Variants in WDFY4 observed in about 807,000 individuals in gnomAD.
WDFY4 encodes WD repeat- and FYVE domain-containing protein 4.
Under a neutral mutation model 351.9 loss-of-function variants are expected in WDFY4, and 169 were observed. The observed-to-expected ratio is 0.48, with a 90% confidence interval of 0.42 to 0.55. The LOEUF is 0.55. Ranked by LOEUF, WDFY4 falls within the 20% of genes least tolerant of loss-of-function variation. The pLI, the probability that WDFY4 is intolerant of heterozygous loss-of-function variation, is 0.00. For missense variants in WDFY4, 3,803 were observed against 3,935.6 expected (o/e 0.97, Z 0.90); for synonymous variants, 1,622 against 1,574.6 (o/e 1.03, Z -0.71).
intron 32 of WDFY4, among the ~76,000 whole-genome samples, chr10:48,819,306 C>T (rs2067731136): frequency 6.6e-6 from 1 of 152,224 alleles, no homozygotes; most frequent in African/African-American, 2.4e-5. Context: ...ACATGCCAGA[C>T]CCTCTTCATG....
chr10:48,901,343 G>A (rs1054407171), intron 46 of WDFY4, among the ~76,000 whole-genome samples: 1 of 152,304 alleles, frequency 6.6e-6, no homozygotes, highest in African/African-American at 2.4e-5. Flanking sequence ...ATTAAACAAA[G>A]TTTTTCACAG....
chr10:48,734,599 A>T (rs534955578), intron 10 of WDFY4, among the ~76,000 whole-genome samples: 1 of 151,738 alleles, frequency 6.6e-6, no homozygotes, highest in Non-Finnish European at 1.5e-5. Flanking sequence ...AGGCATCTTT[A>T]TCTGAGGCCT....
Position 48,778,734 on chromosome 10 carries a change from C to T in WDFY4, c.3299C>T (p.Ala1100Val). 26 of 1,551,660 alleles carry T rather than the reference C, an allele frequency of 1.7e-5. No individual in the cohort carries two copies. Among genetic ancestry groups the T allele is most frequent in the Non-Finnish European group, 2.3e-5 (26 of 1,147,010 alleles). The change falls in exon 18 of 62, where the codon GCC (alanine) becomes GTC (valine). Residue 1100 changes from alanine to valine, a missense_variant. Physicochemically the swap from Ala to Val is moderately conservative, Grantham distance 64. This residue lies in a region of WDFY4 where 3,054 missense variants were observed against 3,148.6 expected (regional missense o/e 0.97). Coordinates refer to ENST00000325239, the MANE Select transcript of WDFY4 (RefSeq NM_001394531.1). ...LRFLTLVRHL[A>V]RTEQPFVCFS... is the part of the protein sequence containing the mutation. ...TTCCTGACGTTGGTGCGCCACCTGG[C>T]CAGGACTGAGCAACCCTTTGTTTGC...
At chr10:48,748,006 G>C (rs2065065241) in intron 12 of WDFY4, among the ~76,000 whole-genome samples, 1 of 152,214 alleles carries the variant, frequency 6.6e-6, no homozygotes, top group Admixed American at 6.5e-5. Context: ...CAGATTCCCA[G>C]GTCCTGATTT....
In WDFY4 at chr10:48,729,525, G is replaced by A. The variant is rs1565137373; in HGVS notation, c.1065G>A (p.Leu355=). 1.9e-6 allele frequency: 3 copies of A among 1,551,760 alleles called. No homozygotes were observed. The highest frequency in any genetic ancestry group is 1.7e-6 in the Non-Finnish European group (2 of 1,147,014). The stretch of plus-strand genomic sequence containing the variant: ...TGACAACCTGTGGGAGGTCAGAGCT[G>A]AAGGTGTTTGACAGCATCACTTACC... ...VWLTTCGRSE[L]KVFDSITYPQ... is the part of the protein sequence containing the mutation. The change falls in exon 8 of 62, where the codon CTG becomes CTA. Residue 355 remains leucine, a synonymous_variant. Transcript: ENST00000325239.
chr10:48,837,917 G>C (rs1264234435), intron 39 of WDFY4, among the ~76,000 whole-genome samples: 4 of 152,354 alleles, frequency 2.6e-5, no homozygotes, highest in Non-Finnish European at 5.9e-5. Context: ...CCACTCACCA[G>C]CCTGCCAGCA....
chr10:48,736,875 C>T (rs7089017), intron 11 of WDFY4, among the ~76,000 whole-genome samples: 28 of 152,204 alleles, frequency 1.8e-4, no homozygotes, highest in South Asian at 6.2e-4. Flanking sequence ...TGTGGAAACA[C>T]GGGGCACAAA....
At chr10:48,850,758 T>C (rs557289125) in intron 39 of WDFY4, among the ~76,000 whole-genome samples, 106 of 152,302 alleles carry the variant, frequency 7.0e-4, no homozygotes, top group African/African-American at 2.1e-3. Context: ...ATCTAGAACA[T>C]TGAGTGTTGC....
At chr10:48,725,654 T>C (rs1447855721) in intron 5 of WDFY4, among the ~76,000 whole-genome samples, 1 of 152,206 alleles carries the variant, frequency 6.6e-6, no homozygotes, top group East Asian at 1.9e-4. Context: ...GGATAACAAT[T>C]ACTTGTATAG....
rs529104943 is a variant in WDFY4, at chr10:48,784,958, C to T, written c.3577-1681C>T. ...CTATAAGCTCCGCCTCCTGGGTTCG[C>T]GCCATTCTCCTGCCTCAGCCTCCCC... On this transcript the variant is annotated intron_variant, in intron 19 of 61. Transcript: ENST00000325239. Among the ~76,000 whole-genome samples the T allele has an allele frequency of 1.3e-3, 200 of 149,536 alleles. 1 individual carries two copies. The highest frequency in any genetic ancestry group is 4.5e-3 in the African/African-American group (183 of 40,578).
intron 59 of WDFY4, among the ~76,000 whole-genome samples, chr10:48,977,898 G>A (rs1451715714): frequency 3.3e-5 from 5 of 152,210 alleles, no homozygotes; most frequent in Non-Finnish European, 5.9e-5. Flanking sequence ...TAGGCTTAGC[G>A]CCAAGGGCCA....
At chr10:48,862,656 G>A (rs933642460) in intron 39 of WDFY4, among the ~76,000 whole-genome samples, 2 of 152,180 alleles carry the variant, frequency 1.3e-5, no homozygotes, top group Admixed American at 6.5e-5. Context: ...CATAATAAAT[G>A]TAATGTACTT....
chr10:48,787,871 C>CTTCT (rs1360967752), intron 20 of WDFY4, among the ~76,000 whole-genome samples: 1 of 105,460 alleles, frequency 9.5e-6, no homozygotes, highest in Non-Finnish European at 1.8e-5. Flanking sequence ...CTTCTTCTTT[C>CTTCT]TTCTTTCTTT....
At chr10:48,696,075 G>A (rs1365777318) in intron 1 of WDFY4, among the ~76,000 whole-genome samples, 1 of 152,150 alleles carries the variant, frequency 6.6e-6, no homozygotes, top group East Asian at 1.9e-4. Context: ...TGAACTTCTG[G>A]AAAACACCTG....
intron 14 of WDFY4, among the ~76,000 whole-genome samples, chr10:48,775,107 C>A (rs528402893): frequency 6.6e-6 from 1 of 152,302 alleles, no homozygotes; most frequent in South Asian, 2.1e-4. Flanking sequence ...CTCCAGGGGG[C>A]TTTCCTGCTG....
At chr10:48,724,822 T>C (rs927035217) in intron 5 of WDFY4, among the ~76,000 whole-genome samples, 1 of 152,138 alleles carries the variant, frequency 6.6e-6, no homozygotes, top group Non-Finnish European at 1.5e-5. Context: ...TTGTTAGCAA[T>C]TAAAAAAATA....
At chr10:48,938,717 G>T (rs886515420) in intron 47 of WDFY4, among the ~76,000 whole-genome samples, 3 of 152,184 alleles carry the variant, frequency 2.0e-5, no homozygotes, top group Non-Finnish European at 4.4e-5. Context: ...AGCTCGTCTG[G>T]GGGGGTAAAG....
chr10:48,857,059 A>G (rs1323753108), intron 39 of WDFY4, among the ~76,000 whole-genome samples: 5 of 152,250 alleles, frequency 3.3e-5, no homozygotes, highest in African/African-American at 1.2e-4. Context: ...ATAGCTGCCA[A>G]ATACTCATGC....
chr10:48,756,832 GTAT>G (rs913611558), intron 12 of WDFY4, among the ~76,000 whole-genome samples: 3 of 151,974 alleles, frequency 2.0e-5, no homozygotes, highest in Non-Finnish European at 4.4e-5. Context: ...ATGTAGCTAG[GTAT>G]TATTTGCTGA....
Sources: gnomAD v4.1 joint callset for allele counts (sites outside exome capture counted in the v4.1 genomes callset) on GRCh38, gnomAD v4.1.1 for gene constraint, gnomAD v4.1.1 regional missense constraint, MANE v1.5 for transcripts, NCBI Gene and HGNC (gene_info 2026-07-23, HGNC 2026-07-21) for gene names.